The following SLC35D1 variants were observed in gnomAD, a reference collection of about 807,000 sequenced individuals.
The protein encoded by SLC35D1 is nucleotide sugar transporter SLC35D1.
In SLC35D1, 31 loss-of-function variants were observed where a neutral mutation model predicts 46.7. That is an observed-to-expected ratio of 0.66 (90% CI 0.50 to 0.90). SLC35D1 has a LOEUF of 0.90. SLC35D1 is among the 40% of genes least tolerant of loss of function. The probability of loss-of-function intolerance (pLI) is 0.00; values close to 1 mark genes in which losing one functional copy is unlikely to be tolerated. For missense variants in SLC35D1, 397 were observed against 426.2 expected, an observed-to-expected ratio of 0.93 and a Z score of 0.60; for synonymous variants, 195 against 164.6, an observed-to-expected ratio of 1.18 and a Z score of -1.41.
intron 8 of SLC35D1, among the ~76,000 whole-genome samples, chr1:67,040,005 T>C (rs1336074985): frequency 6.6e-6 from 1 of 151,906 alleles, no homozygotes; most frequent in Non-Finnish European, 1.5e-5. Context: ...ATTTTTTTTT[T>C]TTTTTTTGAG....
rs1049421153 is a variant in SLC35D1 at position 67,000,047 on chromosome 1, G to C, written c.*4293C>G. On this transcript the variant is annotated 3_prime_UTR_variant, in exon 12 of 12. Transcript: ENST00000235345. ...CACTTTGGGAGGCTGAGACAGAAGG[G>C]TTACTTGAGGCCAGGAGTTTGAGAC... 6.6e-6 allele frequency: 1 copy of C among 151,676 alleles called. No individual in the cohort carries two copies. Among genetic ancestry groups the C allele is most frequent in the South Asian group, 2.1e-4 (1 of 4,808 alleles). 9.4% of individuals were successfully genotyped at this position (151,676 alleles called of 1,614,324 possible).
At chr1:67,044,906 C>T (rs567852437) in intron 7 of SLC35D1, among the ~76,000 whole-genome samples, 11 of 152,204 alleles carry the variant, frequency 7.2e-5, no homozygotes, top group Middle Eastern at 3.4e-3. Flanking sequence ...AAGAAAACTC[C>T]GGATGTATTA....
chr1:67,042,534 A>G (rs1324540712), intron 7 of SLC35D1, among the ~76,000 whole-genome samples: 1 of 152,228 alleles, frequency 6.6e-6, no homozygotes. Flanking sequence ...AACTTACAAA[A>G]TTTTATACTT....
intron 10 of SLC35D1, among the ~76,000 whole-genome samples, chr1:67,010,041 G>A (rs534833209): frequency 3.9e-5 from 6 of 152,146 alleles, no homozygotes; most frequent in African/African-American, 4.8e-5. Flanking sequence ...GCAGCAACAC[G>A]GATGCAGCAG....
chr1:67,022,684 T>C lies in SLC35D1; in HGVS notation c.730-1082A>G, dbSNP rs116760048. On this transcript the variant is annotated intron_variant, in intron 8 of 11. Transcript: ENST00000235345. ...CAGTGCTTGACAGACAGTTTGTTTA[T>C]AGTTCTTTGTTGAGGTAGAATACAT... is the stretch of plus-strand genomic sequence containing the variant. Among the ~76,000 whole-genome samples the C allele has an allele frequency of 4.4e-3, 676 of 152,346 alleles. 3 individuals are homozygous for C. Among genetic ancestry groups the C allele is most frequent in the African/African-American group, 0.015 (644 of 41,572 alleles).
chr1:67,021,118 T>A (rs1220752629), intron 9 of SLC35D1, among the ~76,000 whole-genome samples: 1 of 152,142 alleles, frequency 6.6e-6, no homozygotes, highest in Non-Finnish European at 1.5e-5. Flanking sequence ...CCTCTTAACC[T>A]CTACATATTC....
At position 67,053,794 on chromosome 1, in the gene SLC35D1, C is replaced by T. The variant is rs774268588; in HGVS notation, c.203+17G>A. The T allele has an allele frequency of 2.9e-5, 45 of 1,565,418 alleles. No homozygotes were observed. The highest frequency in any genetic ancestry group is 3.9e-5 in the Non-Finnish European group (45 of 1,158,380). On this transcript the variant is annotated intron_variant, in intron 1 of 11. Transcript: ENST00000235345. Reference sequence around the variant, plus strand: ...GCTCCTCCTCCGCGGCCTGGGCCGCCGCCGCCTCGGCCCTACCTGTAATTG... The same window carrying T: ...GCTCCTCCTCCGCGGCCTGGGCCGCTGCCGCCTCGGCCCTACCTGTAATTG...
intron 11 of SLC35D1, chr1:67,008,239 AGCGATTCTCCT>A (rs1220356822): frequency 3.3e-6 from 1 of 299,208 alleles, no homozygotes; most frequent in Non-Finnish European, 6.7e-6. Context: ...CCTGGGTTCA[AGCGATTCTCCT>A]GCCTCAGCCT....
the SLC35D1 span, chr1:66,986,574 T>G: frequency 1.1e-6 from 1 of 935,904 alleles, no homozygotes; most frequent in Non-Finnish European, 1.7e-6. Flanking sequence ...CATGAAGTAT[T>G]ACTGTTAACA....
At chr1:66,978,584 A>G in the SLC35D1 span, among the ~76,000 whole-genome samples, 17 of 152,348 alleles carry the variant, frequency 1.1e-4, no homozygotes, top group East Asian at 2.1e-3. Context: ...GTCTGCAGAT[A>G]TATCTTAAAA....
At chr1:67,043,185 C>T (rs1175464448) in intron 7 of SLC35D1, among the ~76,000 whole-genome samples, 2 of 132,534 alleles carry the variant, frequency 1.5e-5, no homozygotes, top group African/African-American at 5.3e-5. Context: ...CAGAGTGAGA[C>T]ACTCCATCTC....
At position 67,003,297 on chromosome 1, in the gene SLC35D1, A is replaced by C. The variant is rs1667380463; in HGVS notation, c.*1043T>G. ...AGGGAAAACAGACTTGCCTGTCTGC[A>C]ATTTTCACTTAGAGAGGGAGTCAAT... On this transcript the variant is annotated 3_prime_UTR_variant, in exon 12 of 12. Coordinates refer to ENST00000235345, the MANE Select transcript of SLC35D1 (RefSeq NM_015139.3). 6.6e-6 allele frequency: 1 copy of C among 152,404 alleles called. No homozygotes were observed. 9.4% of individuals were successfully genotyped at this position (152,404 alleles called of 1,614,324 possible).
intron 1 of SLC35D1, among the ~76,000 whole-genome samples, chr1:67,053,476 A>G (rs1158951539): frequency 6.6e-6 from 1 of 152,156 alleles, no homozygotes; most frequent in Non-Finnish European, 1.5e-5. Flanking sequence ...CCTGATCGAC[A>G]GGCATAACGG....
Position 67,053,939 on chromosome 1 carries a change from A to G in SLC35D1, c.75T>C (p.Asp25=), listed in dbSNP as rs2102384504. The change falls in exon 1 of 12, where the codon GAT becomes GAC. Residue 25 remains aspartate (D), a synonymous_variant. Coordinates refer to ENST00000235345, the MANE Select transcript of SLC35D1 (RefSeq NM_015139.3). ...CCGACGCCATCCCCAGCTCCTCCTCATCTCGGAGTGTGGAGGATTTCGCGG... is the reference window on the plus strand; with the variant it reads ...CCGACGCCATCCCCAGCTCCTCCTCGTCTCGGAGTGTGGAGGATTTCGCGG... ...EAPAKSSTLR[D]EEELGMASAE... 1 of 1,613,692 alleles carries G rather than the reference A, an allele frequency of 6.2e-7. No individual in the cohort carries two copies. The highest frequency in any genetic ancestry group is 8.5e-7 in the Non-Finnish European group (1 of 1,179,696).
At chr1:67,036,670 C>T (rs1404613344) in intron 8 of SLC35D1, among the ~76,000 whole-genome samples, 5 of 149,394 alleles carry the variant, frequency 3.3e-5, no homozygotes, top group Admixed American at 6.7e-5. Context: ...TGAATCTTTA[C>T]AAGTGAAGTG....
chr1:66,978,791 G>C, the SLC35D1 span, among the ~76,000 whole-genome samples: 9 of 152,190 alleles, frequency 5.9e-5, no homozygotes, highest in African/African-American at 2.2e-4. Flanking sequence ...TCACCAAAGT[G>C]TGGGCTGGCT....
the SLC35D1 span, among the ~76,000 whole-genome samples, chr1:66,978,092 A>T: frequency 6.6e-6 from 1 of 151,846 alleles, no homozygotes; most frequent in African/African-American, 2.4e-5. Flanking sequence ...GCTACTCGGG[A>T]GACTGAGGCA....
intron 8 of SLC35D1, among the ~76,000 whole-genome samples, chr1:67,038,377 T>C (rs1007881433): frequency 6.6e-6 from 1 of 152,166 alleles, no homozygotes; most frequent in African/African-American, 2.4e-5. Flanking sequence ...CCCTAAACCA[T>C]GTAATTTAGC....
chr1:67,022,788 G>C (rs1226828824), intron 8 of SLC35D1, among the ~76,000 whole-genome samples: 2 of 152,146 alleles, frequency 1.3e-5, no homozygotes, highest in Non-Finnish European at 2.9e-5. Context: ...TTACAATCAC[G>C]ATAAAGAAAT....
Sources: allele counts gnomAD v4.1 joint callset (sites outside exome capture counted in the v4.1 genomes callset), GRCh38; gene constraint gnomAD v4.1.1; transcripts MANE v1.5; gene names NCBI Gene and HGNC (gene_info 2026-07-23, HGNC 2026-07-21).